CSMD1: variants seen among roughly 807,000 people sequenced by gnomAD.
CSMD1 encodes CUB and sushi domain-containing protein 1.
CSMD1 carries 213 observed loss-of-function variants against 417.5 expected under a neutral mutation model. The ratio of observed to expected loss-of-function variants is 0.51; its 90% CI spans 0.46 to 0.57. The LOEUF is 0.57. Among genes scored for constraint, CSMD1 ranks in the 20% least tolerant of loss-of-function variants. CSMD1 has a pLI of 0.00. For missense variants in CSMD1, 6,923 were observed against 4,529.7 expected, an observed-to-expected ratio of 1.53 and a Z score of -15.17; for synonymous variants, 2,862 against 1,736.8, an observed-to-expected ratio of 1.65 and a Z score of -16.11.
intron 10 of CSMD1, among the ~76,000 whole-genome samples, chr8:3,539,886 G>A (rs17066350): frequency 0.026 from 3,898 of 152,172 alleles, 60 homozygotes; most frequent in Middle Eastern, 0.051. Context: ...CTTAGAAAAC[G>A]GCTTCCCTTT....
chr8:4,650,855 A>G (rs1803851392), intron 1 of CSMD1, among the ~76,000 whole-genome samples: 1 of 152,240 alleles, frequency 6.6e-6, no homozygotes, highest in African/African-American at 2.4e-5. Context: ...AAAAATAGCT[A>G]GTTGCCTAGA....
intron 1 of CSMD1, among the ~76,000 whole-genome samples, chr8:4,761,906 T>C (rs5016404): frequency 0.2 from 19,097 of 93,748 alleles, 1,521 homozygotes; most frequent in East Asian, 0.36. Context: ...TATCTATCTA[T>C]CTATCAATCT....
intron 3 of CSMD1, among the ~76,000 whole-genome samples, chr8:4,373,955 T>G (rs1188376282): frequency 6.6e-6 from 1 of 152,228 alleles, no homozygotes; most frequent in Admixed American, 6.5e-5. Flanking sequence ...GTGTCTCTAC[T>G]GAGTAGACTT....
chr8:4,775,028 T>A (rs1006823342), intron 1 of CSMD1, among the ~76,000 whole-genome samples: 2 of 152,118 alleles, frequency 1.3e-5, no homozygotes, highest in African/African-American at 4.8e-5. Flanking sequence ...AATGGACTAA[T>A]ATATGAACAA....
intron 5 of CSMD1, among the ~76,000 whole-genome samples, chr8:3,801,124 C>T (rs1402532265): frequency 6.6e-6 from 1 of 151,274 alleles, no homozygotes; most frequent in Non-Finnish European, 1.5e-5. Context: ...TTAAATTTTA[C>T]CGACATTAAA....
At chr8:3,838,992 A>C (rs1802915304) in intron 5 of CSMD1, among the ~76,000 whole-genome samples, 2 of 126,246 alleles carry the variant, frequency 1.6e-5, no homozygotes, top group South Asian at 4.7e-4. Flanking sequence ...TATATATCAT[A>C]TAATTATAAT....
At chr8:4,691,636 C>T (rs1440142239) in intron 1 of CSMD1, among the ~76,000 whole-genome samples, 1 of 152,202 alleles carries the variant, frequency 6.6e-6, no homozygotes, top group Admixed American at 6.5e-5. Flanking sequence ...TCCATCTATG[C>T]CTGTCATGTC....
At chr8:4,069,937 A>C (rs1047765580) in intron 3 of CSMD1, among the ~76,000 whole-genome samples, 3 of 151,956 alleles carry the variant, frequency 2.0e-5, no homozygotes, top group African/African-American at 7.3e-5. Flanking sequence ...AAATTGCAGT[A>C]TTATTTTTTC....
chr8:3,610,753 T>C (rs939791779), intron 8 of CSMD1, among the ~76,000 whole-genome samples: 12 of 152,220 alleles, frequency 7.9e-5, no homozygotes, highest in Admixed American at 2.0e-4. Flanking sequence ...TAGAATTGCA[T>C]ACTTAATGCA....
At chr8:3,489,244 C>T (rs545017086) in intron 11 of CSMD1, among the ~76,000 whole-genome samples, 1 of 152,132 alleles carries the variant, frequency 6.6e-6, no homozygotes, top group African/African-American at 2.4e-5. Flanking sequence ...TGGATTAATC[C>T]AGCCCTAAGA....
At chr8:4,355,135 G>A (rs1032661544) in intron 3 of CSMD1, among the ~76,000 whole-genome samples, 2 of 151,972 alleles carry the variant, frequency 1.3e-5, no homozygotes, top group South Asian at 2.1e-4. Context: ...GGTGGCGGGC[G>A]CCTGCAGTCC....
chr8:3,778,265 C>T (rs1218537171), intron 5 of CSMD1, among the ~76,000 whole-genome samples: 1 of 152,214 alleles, frequency 6.6e-6, no homozygotes, highest in Non-Finnish European at 1.5e-5. Context: ...CTATCACATT[C>T]TATTTGCCTG....
At chr8:4,482,010 A>G (rs1226648517) in intron 2 of CSMD1, among the ~76,000 whole-genome samples, 1 of 152,166 alleles carries the variant, frequency 6.6e-6, no homozygotes, top group Non-Finnish European at 1.5e-5. Flanking sequence ...CTTTCCAGAG[A>G]TTTATGAATT....
At chr8:4,245,669 A>G (rs983810038) in intron 3 of CSMD1, among the ~76,000 whole-genome samples, 2 of 152,148 alleles carry the variant, frequency 1.3e-5, no homozygotes, top group African/African-American at 4.8e-5. Context: ...TCTACCCCAT[A>G]TGAATGACAA....
At chr8:4,012,190 A>T (rs1816594598) in intron 4 of CSMD1, among the ~76,000 whole-genome samples, 1 of 152,080 alleles carries the variant, frequency 6.6e-6, no homozygotes, top group African/African-American at 2.4e-5. Flanking sequence ...AACAGGGCTG[A>T]CTGTATATGA....
Position 3,107,699 on chromosome 8 carries a change from G to A in CSMD1, c.6835+19C>T, listed in dbSNP as rs1198256213. 10 of 1,420,186 alleles carry A rather than the reference G, an allele frequency of 7.0e-6. No individual in the cohort carries two copies. Among genetic ancestry groups the A allele is most frequent in the Non-Finnish European group, 9.9e-6 (10 of 1,013,748 alleles). The allele number at this position is 1,420,186 out of a possible 1,614,324, so 88.0% of individuals were successfully genotyped here. ...AATGTCGTGCTGAATTCATGGTATT[G>A]TAATGAAGAAAGTATTACCTATTTC... is the stretch of plus-strand genomic sequence containing the variant. On this transcript the variant is annotated intron_variant, in intron 45 of 69. Transcript: ENST00000635120.
At chr8:4,130,941 A>T (rs756081595) in intron 3 of CSMD1, among the ~76,000 whole-genome samples, 1 of 152,152 alleles carries the variant, frequency 6.6e-6, no homozygotes, top group South Asian at 2.1e-4. Flanking sequence ...TCTGAATATC[A>T]TATCTAATCT....
At chr8:3,712,231 T>G (rs973518543) in intron 6 of CSMD1, among the ~76,000 whole-genome samples, 3 of 152,170 alleles carry the variant, frequency 2.0e-5, no homozygotes, top group African/African-American at 7.2e-5. Context: ...GACTTGTGGG[T>G]CCAGGGTCCA....
At chr8:4,226,739 T>A (rs1256344462) in intron 3 of CSMD1, among the ~76,000 whole-genome samples, 1 of 152,210 alleles carries the variant, frequency 6.6e-6, no homozygotes, top group Non-Finnish European at 1.5e-5. Context: ...TAATAATCAG[T>A]TAACCTGGCA....
Sources: gnomAD v4.1 joint callset for allele counts (sites outside exome capture counted in the v4.1 genomes callset) on GRCh38, gnomAD v4.1.1 for gene constraint, MANE v1.5 for transcripts, NCBI Gene and HGNC (gene_info 2026-07-23, HGNC 2026-07-21) for gene names.